Variants in ATF7 observed in about 807,000 individuals in gnomAD.
ATF7 encodes the protein cyclic AMP-dependent transcription factor ATF-7.
A neutral mutation model predicts 50.4 loss-of-function variants in ATF7; 10 were observed. The ratio of observed to expected loss-of-function variants is 0.20; its 90% confidence interval spans 0.12 to 0.34. ATF7 has a LOEUF of 0.34. ATF7 is among the 10% of genes least tolerant of loss of function. The pLI is 1.00. For synonymous variants in ATF7, 201 were observed against 226.4 expected (o/e 0.89, Z 1.01); for missense variants, 465 against 613.9 (o/e 0.76, Z 2.56).
intron 2 of ATF7, among the ~76,000 whole-genome samples, chr12:53,568,070 C>T (rs148759447): frequency 2.6e-5 from 4 of 152,320 alleles, no homozygotes; most frequent in African/African-American, 9.6e-5. Context: ...GAACCTACTA[C>T]ATTGTGGTTT....
intron 9 of ATF7, among the ~76,000 whole-genome samples, chr12:53,528,678 G>A (rs182978442): frequency 5.9e-5 from 9 of 152,196 alleles, no homozygotes; most frequent in East Asian, 5.8e-4. Flanking sequence ...CAGGAAAATC[G>A]CTTGAACCAG....
chr12:53,517,556 C>G, intron 11 of ATF7: 1 of 595,652 alleles, frequency 1.7e-6, no homozygotes, highest in Non-Finnish European at 3.0e-6. Context: ...AAGGGAAGAA[C>G]TAGGCCAAAA....
rs34610513 is a variant in ATF7, at chr12:53,547,283, C to CTTTTT, written c.146-3840_146-3836dup. On this transcript the variant is annotated intron_variant, in intron 3 of 11. Coordinates refer to ENST00000420353, the MANE Select transcript of ATF7 (RefSeq NM_006856.3). ...ACAGGTGTGAGCCACCGTGCCCAGC[C>CTTTTT]TTTTTTTTTTTTTTTTTTTTTGAGA... 9.8e-4 allele frequency among the ~76,000 whole-genome samples: 61 copies of CTTTTT among 62,554 alleles called. 3 individuals are homozygous for CTTTTT. The highest frequency in any genetic ancestry group is 3.1e-3 in the African/African-American group (49 of 15,746). The allele number at this position is 62,554 out of a possible 152,430, so 41.0% of individuals were successfully genotyped here.
At position 53,587,366 on chromosome 12, in the gene ATF7, C is replaced by CAAAAAAAAAAAAAA. The variant is rs55904354; in HGVS notation, c.48+13573_48+13586dup. 1.6e-3 allele frequency among the ~76,000 whole-genome samples: 98 copies of CAAAAAAAAAAAAAA among 62,252 alleles called. 3 individuals are homozygous for CAAAAAAAAAAAAAA. The highest frequency in any genetic ancestry group is 6.1e-3 in the East Asian group (3 of 488). The allele number at this position is 62,252 out of a possible 152,430, so 40.8% of individuals were successfully genotyped here. On this transcript the variant is annotated intron_variant, in intron 2 of 11. Transcript: ENST00000420353. ...TGGGTGACAGAGCGAAATTCCGCAT[C>CAAAAAAAAAAAAAA]AAAAAAAAAAAAAAAAAGAAGGAAA... is the stretch of plus-strand genomic sequence containing the variant.
At chr12:53,518,084 C>T in intron 11 of ATF7, among the ~76,000 whole-genome samples, 1 of 150,698 alleles carries the variant, frequency 6.6e-6, no homozygotes, top group South Asian at 2.1e-4. Flanking sequence ...AGGCTGGTCT[C>T]AAACTCCTGA....
intron 2 of ATF7, among the ~76,000 whole-genome samples, chr12:53,569,883 T>G (rs984236719): frequency 6.6e-6 from 1 of 152,190 alleles, no homozygotes; most frequent in African/African-American, 2.4e-5. Flanking sequence ...TTCACCATAT[T>G]GGCCAGGCTG....
chr12:53,605,792 T>C (rs533564202), intron 1 of ATF7, among the ~76,000 whole-genome samples: 2 of 152,314 alleles, frequency 1.3e-5, no homozygotes, highest in East Asian at 1.9e-4. Flanking sequence ...GGGTAGAATA[T>C]AGAGATCTAG....
intron 11 of ATF7, among the ~76,000 whole-genome samples, chr12:53,519,993 G>T (rs547551406): frequency 6.6e-6 from 1 of 152,024 alleles, no homozygotes; most frequent in East Asian, 1.9e-4. Context: ...TGATCCGCCC[G>T]CCTCAGCCTC....
At position 53,595,319 on chromosome 12, in the gene ATF7, G is replaced by C. The variant is rs559333477; in HGVS notation, c.48+5634C>G. 5.9e-5 allele frequency among the ~76,000 whole-genome samples: 9 copies of C among 152,230 alleles called. No individual in the cohort carries two copies. The East Asian group carries it at 1.7e-3, about 29-fold the overall frequency. Reference sequence around the variant, plus strand: ...TTCCCCTCGTAATTCTCCAATTCAAGATGCTTCCCTAACATAAAGAATTAG... The same window carrying C: ...TTCCCCTCGTAATTCTCCAATTCAACATGCTTCCCTAACATAAAGAATTAG... On this transcript the variant is annotated intron_variant, in intron 2 of 11. Coordinates refer to ENST00000420353, the MANE Select transcript of ATF7 (RefSeq NM_006856.3).
chr12:53,518,872 C>T (rs373837504), intron 11 of ATF7, among the ~76,000 whole-genome samples: 42 of 150,734 alleles, frequency 2.8e-4, no homozygotes, highest in African/African-American at 9.5e-4. Context: ...GGTGAAACCC[C>T]GTCTCTACTC....
chr12:53,616,229 T>C (rs1390147395), intron 1 of ATF7, among the ~76,000 whole-genome samples: 2 of 152,164 alleles, frequency 1.3e-5, no homozygotes, highest in African/African-American at 4.8e-5. Context: ...TAGTTTACTT[T>C]TGGGTTTTTT....
intron 2 of ATF7, among the ~76,000 whole-genome samples, chr12:53,580,275 A>C (rs994512786): frequency 3.3e-5 from 5 of 152,064 alleles, no homozygotes; most frequent in African/African-American, 1.2e-4. Flanking sequence ...GCCAAAAAAA[A>C]AAAAGAGACA....
intron 2 of ATF7, among the ~76,000 whole-genome samples, chr12:53,581,458 C>T (rs1942422251): frequency 6.6e-6 from 1 of 152,118 alleles, no homozygotes; most frequent in Non-Finnish European, 1.5e-5. Flanking sequence ...TATAACACAC[C>T]TTAACAAGTT....
intron 1 of ATF7, among the ~76,000 whole-genome samples, chr12:53,614,939 G>A (rs1944054717): frequency 7.0e-6 from 1 of 142,462 alleles, no homozygotes; most frequent in South Asian, 2.1e-4. Flanking sequence ...AATTAGCCAG[G>A]CATGGTGGCA....
chr12:53,509,573 G>A (rs189346670), downstream of ATF7, among the ~76,000 whole-genome samples: 725 of 150,104 alleles, frequency 4.8e-3, 4 homozygotes, highest in African/African-American at 0.017. Context: ...GTGCGATCTC[G>A]GCTCACCGCA....
At chr12:53,570,746 T>C (rs1040156084) in intron 2 of ATF7, among the ~76,000 whole-genome samples, 6 of 146,872 alleles carry the variant, frequency 4.1e-5, no homozygotes, top group African/African-American at 4.9e-5. Context: ...CGTGTGTGTG[T>C]GTGTGTGTGT....
intron 3 of ATF7, among the ~76,000 whole-genome samples, chr12:53,546,067 C>T (rs1175270229): frequency 6.6e-6 from 1 of 152,088 alleles, no homozygotes; most frequent in Non-Finnish European, 1.5e-5. Flanking sequence ...TGGCGCATGC[C>T]TGTAATCTCA....
intron 2 of ATF7, among the ~76,000 whole-genome samples, chr12:53,584,307 A>G (rs575042425): frequency 6.6e-6 from 1 of 152,316 alleles, no homozygotes; most frequent in South Asian, 2.1e-4. Context: ...TGCAAATTAA[A>G]ACAACAAAAT....
intron 1 of ATF7, among the ~76,000 whole-genome samples, chr12:53,607,763 A>G (rs12317761): frequency 0.042 from 6,445 of 152,282 alleles, 381 homozygotes; most frequent in African/African-American, 0.13. Context: ...AAATGTTGAT[A>G]ATGGTTATCT....
Sources: allele counts gnomAD v4.1 joint callset (sites outside exome capture counted in the v4.1 genomes callset), GRCh38; gene constraint gnomAD v4.1.1; transcripts MANE v1.5; gene names NCBI Gene and HGNC (gene_info 2026-07-23, HGNC 2026-07-21).